PDS5A: variants seen among roughly 807,000 people sequenced by gnomAD.
PDS5A encodes the protein sister chromatid cohesion protein PDS5 homolog A.
In PDS5A, 42 loss-of-function variants were observed where a neutral mutation model predicts 167.1. The ratio of observed to expected loss-of-function variants is 0.25; its 90% confidence interval spans 0.20 to 0.33. The LOEUF is 0.33. PDS5A is among the 10% of genes least tolerant of loss of function. The pLI is 1.00. For synonymous variants in PDS5A, 553 were observed against 554.6 expected (o/e 1.00, Z 0.04); for missense variants, 1,033 against 1,605.9 (o/e 0.64, Z 6.10).
intron 2 of PDS5A, among the ~76,000 whole-genome samples, chr4:39,949,784 C>A (rs1400423690): frequency 1.6e-5 from 2 of 127,826 alleles, no homozygotes; most frequent in African/African-American, 5.8e-5. Context: ...TGCACCACTG[C>A]ACTCCAGCCA....
At chr4:39,827,076 C>G (rs1378487878) in intron 32 of PDS5A, among the ~76,000 whole-genome samples, 2 of 151,870 alleles carry the variant, frequency 1.3e-5, no homozygotes, top group African/African-American at 4.8e-5. Flanking sequence ...TCTCGGCTCA[C>G]CACAACCTCC....
At chr4:39,924,692 CA>C (rs1725294096) in intron 5 of PDS5A, among the ~76,000 whole-genome samples, 1 of 152,214 alleles carries the variant, frequency 6.6e-6, no homozygotes, top group African/African-American at 2.4e-5. Context: ...CATATATTAT[CA>C]ATATGAATTT....
chr4:39,897,801 G>C (rs989003296), intron 16 of PDS5A, among the ~76,000 whole-genome samples: 1 of 151,586 alleles, frequency 6.6e-6, no homozygotes, highest in Non-Finnish European at 1.5e-5. Flanking sequence ...GGACTTTAAC[G>C]CTGTAGTGAA....
chr4:39,844,203 G>A (rs889535725), intron 30 of PDS5A, among the ~76,000 whole-genome samples: 1 of 151,202 alleles, frequency 6.6e-6, no homozygotes, highest in Non-Finnish European at 1.5e-5. Flanking sequence ...GGCTGGGTGC[G>A]GTGGCTTACG....
chr4:39,973,775 C>T lies in PDS5A; in HGVS notation c.138+2665G>A, dbSNP rs1730797858. Reference sequence around the variant, plus strand: ...GCTGTGCCCAACCATGTAATCAACCCCTACCAGCCAGCACCTCCTTCAGGT... The same window carrying T: ...GCTGTGCCCAACCATGTAATCAACCTCTACCAGCCAGCACCTCCTTCAGGT... On this transcript the variant is annotated intron_variant, in intron 2 of 32. Coordinates refer to ENST00000303538, the MANE Select transcript of PDS5A (RefSeq NM_001100399.2). 3.9e-6 allele frequency: 5 copies of T among 1,287,152 alleles called. No individual in the cohort carries two copies. The East Asian group carries it at 9.3e-5, about 24-fold the overall frequency. 79.7% of individuals were successfully genotyped at this position (1,287,152 alleles called of 1,614,324 possible).
intron 22 of PDS5A, 38 bp downstream of exon 22, chr4:39,869,356 T>C (rs1393028638): frequency 8.2e-7 from 1 of 1,212,912 alleles, no homozygotes; most frequent in Non-Finnish European, 1.2e-6. Context: ...ATGTCCCTTT[T>C]TTAAACATGA....
chr4:39,902,267 CA>C (rs2109656177), intron 13 of PDS5A, 79 bp downstream of exon 13: 1 of 630,236 alleles, frequency 1.6e-6, no homozygotes, highest in East Asian at 2.8e-5. Context: ...ACAATCCAAT[CA>C]ATAACAACTA....
At chr4:39,885,029 G>C (rs374778882) in intron 17 of PDS5A, among the ~76,000 whole-genome samples, 9 of 151,780 alleles carry the variant, frequency 5.9e-5, no homozygotes, top group African/African-American at 1.9e-4. Flanking sequence ...TTGGGAGGCC[G>C]AGGTGGGCAG....
At chr4:39,916,620 C>T (rs1424446512) in intron 8 of PDS5A, among the ~76,000 whole-genome samples, 2 of 152,192 alleles carry the variant, frequency 1.3e-5, no homozygotes, top group East Asian at 3.9e-4. Flanking sequence ...GTAATCCCAG[C>T]ACTTTGGGCA....
In PDS5A at chr4:39,953,811, C is replaced by A. The variant is rs1578816139; in HGVS notation, c.138+22629G>T. Among the ~76,000 whole-genome samples, 3 of 152,162 alleles carry A rather than the reference C, an allele frequency of 2.0e-5. No individual in the cohort carries two copies. In the East Asian group the frequency reaches 5.8e-4, roughly 29 times the overall value. ...GCACTTAGACGTTCGTAATCAATAGCAAATGACCTATAAATGTTTCTGTTT... is the reference window on the plus strand; with the variant it reads ...GCACTTAGACGTTCGTAATCAATAGAAAATGACCTATAAATGTTTCTGTTT... On this transcript the variant is annotated intron_variant, in intron 2 of 32. Transcript: ENST00000303538.
intron 32 of PDS5A, 129 bp from the exon 33 acceptor site, chr4:39,825,617 T>C (rs902342307): frequency 3.1e-6 from 2 of 648,668 alleles, no homozygotes; most frequent in South Asian, 2.5e-5. Context: ...AGCATCAGGA[T>C]CTCACTCTGT....
intron 3 of PDS5A, 44 bp from the exon 4 acceptor site, chr4:39,926,905 C>G: frequency 7.5e-7 from 1 of 1,331,806 alleles, no homozygotes; most frequent in Non-Finnish European, 9.9e-7. Context: ...AAATACTTTT[C>G]TTTCACAACA....
At chr4:39,854,392 G>A (rs1718364332) in intron 26 of PDS5A, among the ~76,000 whole-genome samples, 1 of 152,064 alleles carries the variant, frequency 6.6e-6, no homozygotes, top group Non-Finnish European at 1.5e-5. Context: ...TCCAGTACAC[G>A]TAACATATAA....
chr4:39,831,396 GC>G (rs1715861108), intron 32 of PDS5A, among the ~76,000 whole-genome samples: 1 of 152,046 alleles, frequency 6.6e-6, no homozygotes, highest in African/African-American at 2.4e-5. Context: ...ACCGTGCCTG[GC>G]CATAGAGTTG....
At chr4:39,937,433 A>G (rs1433151544) in intron 2 of PDS5A, among the ~76,000 whole-genome samples, 3 of 152,056 alleles carry the variant, frequency 2.0e-5, no homozygotes, top group Non-Finnish European at 4.4e-5. Flanking sequence ...TTATTTTTTG[A>G]GAAAGGTTCT....
chr4:39,856,685 G>A lies in PDS5A; in HGVS notation c.3086+5534C>T, dbSNP rs6824305. 1.5e-3 allele frequency among the ~76,000 whole-genome samples: 225 copies of A among 152,030 alleles called. 1 individual carries two copies. Among genetic ancestry groups the A allele is most frequent in the African/African-American group, 5.4e-3 (222 of 41,474 alleles). ...ACAAAAATTAGCCAGGCGTGGTGGC[G>A]GGCACCTGTAATCTCAGCTACTCGG... On this transcript the variant is annotated intron_variant, in intron 26 of 32. Coordinates refer to ENST00000303538, the MANE Select transcript of PDS5A (RefSeq NM_001100399.2).
chr4:39,957,586 C>T (rs984906474), intron 2 of PDS5A, among the ~76,000 whole-genome samples: 1 of 151,710 alleles, frequency 6.6e-6, no homozygotes, highest in Non-Finnish European at 1.5e-5. Context: ...GAGATGGAGA[C>T]CATCCTGGCT....
At position 39,880,273 on chromosome 4, in the gene PDS5A, T is replaced by C. The variant is rs145484553; in HGVS notation, c.1887-440A>G. On this transcript the variant is annotated intron_variant, in intron 17 of 32. Coordinates refer to ENST00000303538, the MANE Select transcript of PDS5A (RefSeq NM_001100399.2). The stretch of plus-strand genomic sequence containing the variant: ...ATAATTTACTGAATCAGTAACTTTA[T>C]TTCTATAAACTTACAGCAAAGAAGC... Among the ~76,000 whole-genome samples the C allele has an allele frequency of 2.1e-3, 323 of 152,280 alleles. 1 individual carries two copies. The highest frequency in any genetic ancestry group is 3.6e-3 in the Non-Finnish European group (246 of 67,992).
intron 23 of PDS5A, 40 bp downstream of exon 23, chr4:39,866,821 T>G: frequency 6.3e-7 from 1 of 1,582,190 alleles, no homozygotes. Context: ...TCCACCAAAA[T>G]TTCAGCACTA....
Sources: gnomAD v4.1 joint callset for allele counts (sites outside exome capture counted in the v4.1 genomes callset) on GRCh38, gnomAD v4.1.1 for gene constraint, MANE v1.5 for transcripts, NCBI Gene and HGNC (gene_info 2026-07-23, HGNC 2026-07-21) for gene names.